FBN1: variants seen among roughly 807,000 people sequenced by gnomAD.
FBN1 encodes the protein fibrillin-1.
In FBN1, 29 loss-of-function variants were observed where a neutral mutation model predicts 365.1. That is an observed-to-expected ratio of 0.08 (90% CI 0.06 to 0.11). The LOEUF (loss-of-function observed/expected upper bound fraction) is 0.11. Among genes scored for constraint, FBN1 ranks in the 10% least tolerant of loss-of-function variants. FBN1 has a pLI of 1.00. For synonymous variants in FBN1, 1,210 were observed against 1,270.5 expected (o/e 0.95, Z 1.01); for missense variants, 2,476 against 3,703.2 (o/e 0.67, Z 8.60).
In FBN1 at chr15:48,456,869, T is replaced by TGTGTGTGC. The variant is rs371116530; in HGVS notation, c.5297-108_5297-107insGCACACAC. On this transcript the variant is annotated intron_variant, in intron 43 of 65. Coordinates refer to ENST00000316623, the MANE Select transcript of FBN1 (RefSeq NM_000138.5). ...GTGTGTGTGTGTGTGTGTGTGTGTG[T>TGTGTGTGC]GTGCGTGCATGTGTTGGGGTGGTGG... 52 of 1,086,452 alleles carry TGTGTGTGC rather than the reference T, an allele frequency of 4.8e-5. No homozygotes were observed. The Admixed American group carries it at 8.5e-4, about 18-fold the overall frequency. The allele number at this position is 1,086,452 out of a possible 1,614,324, so 67.3% of individuals were successfully genotyped here.
intron 2 of FBN1, among the ~76,000 whole-genome samples, chr15:48,626,303 T>C (rs1245443006): frequency 6.6e-6 from 1 of 151,350 alleles, no homozygotes; most frequent in East Asian, 1.9e-4. Context: ...AAGAAATCAG[T>C]ATCATTTCAT....
intron 56 of FBN1, among the ~76,000 whole-genome samples, chr15:48,428,814 T>C (rs1367765038): frequency 6.6e-6 from 1 of 152,198 alleles, no homozygotes; most frequent in African/African-American, 2.4e-5. Flanking sequence ...TTCTTTCCTA[T>C]ATAGTTTGTA....
In FBN1 at chr15:48,559,519, C is replaced by A. The variant is rs375202352; in HGVS notation, c.539-21711G>T. On this transcript the variant is annotated intron_variant, in intron 6 of 65. Transcript: ENST00000316623. The stretch of plus-strand genomic sequence containing the variant: ...CTCTGTGAGGAGCCAGGGTCCGGAG[C>A]AAAGCACAGTTTTTACAATCCTCAA... 6.6e-5 allele frequency among the ~76,000 whole-genome samples: 10 copies of A among 152,152 alleles called. No homozygotes were observed. The South Asian group carries it at 2.1e-3, about 32-fold the overall frequency.
intron 32 of FBN1, among the ~76,000 whole-genome samples, chr15:48,476,454 T>A (rs1351102218): frequency 6.6e-6 from 1 of 152,038 alleles, no homozygotes; most frequent in Non-Finnish European, 1.5e-5. Context: ...ATTCTCCCAA[T>A]CTCAGTTTCT....
intron 6 of FBN1, among the ~76,000 whole-genome samples, chr15:48,556,418 A>C (rs2044181309): frequency 6.6e-6 from 1 of 152,240 alleles, no homozygotes; most frequent in Non-Finnish European, 1.5e-5. Context: ...AAGGTTTACA[A>C]AACAATCCTT....
chr15:48,482,246 C>T (rs1048990675), intron 31 of FBN1, among the ~76,000 whole-genome samples: 3 of 152,130 alleles, frequency 2.0e-5, no homozygotes, highest in African/African-American at 7.2e-5. Context: ...TTATGACATT[C>T]ATTTTAATTC....
At chr15:48,476,692 C>A (rs1597555448) in intron 32 of FBN1, 2 of 151,652 alleles carry the variant, frequency 1.3e-5, no homozygotes, top group Admixed American at 1.3e-4. Context: ...TTCACAGCAA[C>A]CTCCGCCACC....
intron 2 of FBN1, chr15:48,643,193 A>G (rs1443261259): frequency 6.6e-6 from 1 of 152,258 alleles, no homozygotes; most frequent in Non-Finnish European, 1.5e-5. Flanking sequence ...TTGAGAACAT[A>G]TGAAAATCAG....
At chr15:48,607,525 T>TACA (rs2044623673) in intron 4 of FBN1, among the ~76,000 whole-genome samples, 1 of 108,402 alleles carries the variant, frequency 9.2e-6, no homozygotes, top group Non-Finnish European at 1.7e-5. Context: ...TTAGTATCCT[T>TACA]ATAAAAAAAA....
chr15:48,477,521 G>GGT (rs2043429921), intron 32 of FBN1, among the ~76,000 whole-genome samples: 1 of 152,086 alleles, frequency 6.6e-6, no homozygotes, highest in South Asian at 2.1e-4. Flanking sequence ...TTTGCATGTG[G>GGT]GTGTGTGTGC....
At chr15:48,637,727 C>T (rs962029554) in intron 2 of FBN1, among the ~76,000 whole-genome samples, 1 of 152,200 alleles carries the variant, frequency 6.6e-6, no homozygotes, top group African/African-American at 2.4e-5. Context: ...GCCGCATACC[C>T]AGTTCCTAGA....
intron 32 of FBN1, among the ~76,000 whole-genome samples, chr15:48,481,408 T>G (rs2043463504): frequency 6.6e-6 from 1 of 152,168 alleles, no homozygotes; most frequent in African/African-American, 2.4e-5. Flanking sequence ...AAATGTGCTA[T>G]TTACAGTGTT....
intron 6 of FBN1, among the ~76,000 whole-genome samples, chr15:48,548,920 A>G (rs908258693): frequency 1.4e-4 from 21 of 152,234 alleles, no homozygotes; most frequent in African/African-American, 5.1e-4. Context: ...CTTTAAGGGT[A>G]AAAGTTAGGA....
chr15:48,605,885 T>C (rs2044604007), intron 4 of FBN1, among the ~76,000 whole-genome samples: 1 of 152,038 alleles, frequency 6.6e-6, no homozygotes, highest in Non-Finnish European at 1.5e-5. Flanking sequence ...AAAAAATTAT[T>C]TTAATGAAAA....
At chr15:48,608,458 T>C (rs2044630585) in intron 4 of FBN1, among the ~76,000 whole-genome samples, 1 of 152,220 alleles carries the variant, frequency 6.6e-6, no homozygotes, top group African/African-American at 2.4e-5. Flanking sequence ...AGCTGTTCCC[T>C]AGAACATCAC....
intron 6 of FBN1, among the ~76,000 whole-genome samples, chr15:48,544,003 C>T (rs1419002245): frequency 6.6e-6 from 1 of 151,816 alleles, no homozygotes; most frequent in East Asian, 1.9e-4. Context: ...TGTGTACATA[C>T]ACATAGAGAG....
In FBN1 at chr15:48,506,713, A is replaced by G. The variant is rs16961049; in HGVS notation, c.1838-1566T>C. ...ATTGATGATTCAGCTTTGAACAGTC[A>G]CATCTTTGTGGGCTCAGAACTAAGT... is the stretch of plus-strand genomic sequence containing the variant. On this transcript the variant is annotated intron_variant, in intron 15 of 65. Coordinates refer to ENST00000316623, the MANE Select transcript of FBN1 (RefSeq NM_000138.5). Among the ~76,000 whole-genome samples, 2,618 of 152,330 alleles carry G rather than the reference A, an allele frequency of 0.017. 214 individuals are homozygous for G. In the East Asian group the frequency reaches 0.24, roughly 14 times the overall value.
rs1170123917 is a variant in FBN1, at chr15:48,486,986, GAAATA to G, written c.3589+84_3589+88del. Reference sequence around the variant, plus strand: ...TACATAGAGTGTTTTAGGGAGAGATGAAATAAAATAAAATAAAATAACATAACATA... The same window carrying G: ...TACATAGAGTGTTTTAGGGAGAGATGAAATAAAATAAAATAACATAACATA... On this transcript the variant is annotated intron_variant, in intron 29 of 65. Coordinates refer to ENST00000316623, the MANE Select transcript of FBN1 (RefSeq NM_000138.5). The G allele has an allele frequency of 5.3e-5, 56 of 1,061,074 alleles. No individual in the cohort carries two copies. The highest frequency in any genetic ancestry group is 1.4e-4 in the Admixed American group (4 of 27,840). The allele number at this position is 1,061,074 out of a possible 1,614,324, so 65.7% of individuals were successfully genotyped here. A position where few individuals can be genotyped will look rare whatever the true frequency, so the allele number is the denominator to read the frequency against.
rs780163247 is a variant in FBN1, at chr15:48,644,797, G to A, written c.-28C>T. On this transcript the variant is annotated 5_prime_UTR_variant, in exon 2 of 66. Transcript: ENST00000316623. ...TGCCGAGCCGCCACCGGCTCCCGCC[G>A]CCTCTTGCCGCGCCCGGGGCTCGGT... is the stretch of plus-strand genomic sequence containing the variant. 8.4e-5 allele frequency: 135 copies of A among 1,599,018 alleles called. No individual in the cohort carries two copies. The highest frequency in any genetic ancestry group is 5.2e-4 in the East Asian group (23 of 44,646).
Sources: gnomAD v4.1 joint callset for allele counts (sites outside exome capture counted in the v4.1 genomes callset) on GRCh38, gnomAD v4.1.1 for gene constraint, MANE v1.5 for transcripts, NCBI Gene and HGNC (gene_info 2026-07-23, HGNC 2026-07-21) for gene names.